The following ROS1 variants were observed in gnomAD, a reference collection of about 807,000 sequenced individuals.
ROS1 encodes the protein ROS proto-oncogene 1, receptor tyrosine kinase, also known as proto-oncogene tyrosine-protein kinase ROS.
A neutral mutation model predicts 273.5 loss-of-function variants in ROS1; 263 were observed. That is an observed-to-expected ratio of 0.96 (90% CI 0.87 to 1.06). ROS1 has a LOEUF of 1.06. Ranked by LOEUF, ROS1 falls within the 50% of genes least tolerant of loss-of-function variation. The pLI is 0.00. For synonymous variants in ROS1, 1,008 were observed against 954.1 expected, an observed-to-expected ratio of 1.06 and a Z score of -1.04; for missense variants, 2,833 against 2,751.1, an observed-to-expected ratio of 1.03 and a Z score of -0.67.
chr6:117,409,055 G>C (rs1774669564), intron 5 of ROS1, among the ~76,000 whole-genome samples: 1 of 135,952 alleles, frequency 7.4e-6, no homozygotes, highest in African/African-American at 2.7e-5. Context: ...TACACACCAG[G>C]GCCTGTTGTG....
At chr6:117,406,820 T>C (rs1414738596) in intron 5 of ROS1, among the ~76,000 whole-genome samples, 5 of 152,236 alleles carry the variant, frequency 3.3e-5, no homozygotes, top group Non-Finnish European at 7.3e-5. Flanking sequence ...ATTTATTTCA[T>C]CTTTAAATAA....
At chr6:117,335,533 T>C (rs1171703710) in intron 32 of ROS1, among the ~76,000 whole-genome samples, 1 of 152,156 alleles carries the variant, frequency 6.6e-6, no homozygotes, top group South Asian at 2.1e-4. Context: ...TAAAGACACA[T>C]GCACATGTAT....
At chr6:117,347,489 G>A (rs1224342727) in intron 27 of ROS1, among the ~76,000 whole-genome samples, 1 of 152,016 alleles carries the variant, frequency 6.6e-6, no homozygotes, top group Non-Finnish European at 1.5e-5. Flanking sequence ...TTTCTACATA[G>A]ATGATCATGT....
intron 18 of ROS1, among the ~76,000 whole-genome samples, chr6:117,370,008 AATGT>A (rs898351452): frequency 2.6e-5 from 4 of 152,186 alleles, no homozygotes; most frequent in African/African-American, 9.7e-5. Context: ...TATGGATATG[AATGT>A]ATGTGGATAT....
chr6:117,342,336 A>G (rs2243385), intron 29 of ROS1, 64 bp downstream of exon 29: 171,365 of 1,403,086 alleles, frequency 0.12, 11,122 homozygotes, highest in Middle Eastern at 0.16. Context: ...AATAAACATC[A>G]ACATACACAG....
chr6:117,357,179 A>C (rs970091817), intron 25 of ROS1, among the ~76,000 whole-genome samples: 2 of 152,212 alleles, frequency 1.3e-5, no homozygotes, highest in African/African-American at 4.8e-5. Flanking sequence ...CTATATTAAA[A>C]GGCCCACTTA....
At chr6:117,300,652 C>T (rs765479692) in intron 43 of ROS1, among the ~76,000 whole-genome samples, 4 of 152,086 alleles carry the variant, frequency 2.6e-5, no homozygotes, top group Non-Finnish European at 5.9e-5. Context: ...TAACTCTGTA[C>T]TTGAGGTCCA....
intron 12 of ROS1, among the ~76,000 whole-genome samples, chr6:117,392,114 C>T (rs1468434401): frequency 3.9e-5 from 6 of 152,186 alleles, no homozygotes; most frequent in Non-Finnish European, 8.8e-5. Context: ...AACAAAGTTA[C>T]ATTTCATAGG....
chr6:117,290,976 T>A (rs914474660), intron 43 of ROS1, among the ~76,000 whole-genome samples: 1 of 152,318 alleles, frequency 6.6e-6, no homozygotes, highest in African/African-American at 2.4e-5. Flanking sequence ...ACATTATTTT[T>A]TATTGAAAAA....
intron 22 of ROS1, 147 bp from the exon 23 acceptor site, chr6:117,360,552 A>T (rs1582734998): frequency 3.9e-6 from 2 of 513,942 alleles, no homozygotes; most frequent in East Asian, 6.5e-5. Flanking sequence ...ATTAATATAC[A>T]GCAATATAAA....
chr6:117,352,673 C>A (rs1778972337), intron 27 of ROS1, among the ~76,000 whole-genome samples: 1 of 152,064 alleles, frequency 6.6e-6, no homozygotes, highest in Non-Finnish European at 1.5e-5. Context: ...CCTAAAATAT[C>A]AGCAAAGGAG....
Position 117,385,859 on chromosome 6 carries a change from T to G in ROS1, c.2113A>C (p.Met705Leu). The G allele has an allele frequency of 6.2e-7, 1 of 1,613,350 alleles. No individual in the cohort carries two copies. The highest frequency in any genetic ancestry group is 8.5e-7 in the Non-Finnish European group (1 of 1,179,446). The change falls in exon 16 of 44, where the codon ATG (methionine) becomes CTG (leucine). Residue 705 changes from methionine to leucine, a missense_variant and splice_region_variant. Met to Leu is a conservative substitution (Grantham distance 15). Coordinates refer to ENST00000368507, the MANE Select transcript of ROS1 (RefSeq NM_001378902.1). ...LSSDIGNVSD[M>L]DWYNNSLYYS... ...TAGAGGCTGTTGTTATACCAATCCA[T>G]GTCTCAAAATAAAGTGAATGATTAG...
chr6:117,375,561 C>T (rs1414682068), intron 18 of ROS1, among the ~76,000 whole-genome samples: 2 of 152,168 alleles, frequency 1.3e-5, no homozygotes, highest in East Asian at 3.9e-4. Flanking sequence ...TGCACATGTA[C>T]CCCTTAAACT....
intron 24 of ROS1, 68 bp from the exon 25 acceptor site, chr6:117,358,077 A>T: frequency 2.0e-6 from 2 of 1,021,396 alleles, no homozygotes; most frequent in South Asian, 1.5e-5. Context: ...ACTTTTCTAT[A>T]TTCACCCATA....
Position 117,341,265 on chromosome 6 carries a change from G to T in ROS1, c.4931C>A (p.Pro1644His). 3 of 1,613,660 alleles carry T rather than the reference G, an allele frequency of 1.9e-6. No individual in the cohort carries two copies. Among genetic ancestry groups the T allele is most frequent in the Non-Finnish European group, 2.5e-6 (3 of 1,179,698 alleles). Reference protein sequence around the residue: ...SEEMWCTESHPVTVEMFNTPE... With the variant: ...SEEMWCTESHHVTVEMFNTPE... ...TGTGTTAAACATTTCCACAGTGACA[G>T]GATGACTCTCTGTACACCACATTTC... The change falls in exon 31 of 44, where the codon CCT becomes CAT. Residue 1644 changes from proline to histidine, a missense_variant. Pro to His is a moderately conservative substitution (Grantham distance 77, BLOSUM62 -2). Transcript: ENST00000368507.
Position 117,294,550 on chromosome 6 carries a change from T to C in ROS1, c.6716-5748A>G, listed in dbSNP as rs191736165. Among the ~76,000 whole-genome samples the C allele has an allele frequency of 2.1e-4, 32 of 152,310 alleles. 1 individual carries two copies. The highest frequency in any genetic ancestry group is 3.4e-3 in the Middle Eastern group (1 of 294). On this transcript the variant is annotated intron_variant, in intron 43 of 43. Transcript: ENST00000368507. ...TTGAGAACTTTTGCATCTGTGTTCA[T>C]CAGGGATATTAGCGTGCTCTTATCA...
chr6:117,287,910 T>C lies in ROS1; in HGVS notation c.*582A>G, dbSNP rs1773548501. ...TCCAGCCTGGGCAACAGAGCAAGACTTCGTCTCAAAAAAAAAAAAAAAAAA... is the reference window on the plus strand; with the variant it reads ...TCCAGCCTGGGCAACAGAGCAAGACCTCGTCTCAAAAAAAAAAAAAAAAAA... On this transcript the variant is annotated 3_prime_UTR_variant, in exon 44 of 44. Transcript: ENST00000368507. 8.2e-6 allele frequency among the ~76,000 whole-genome samples: 1 copy of C among 122,524 alleles called. No individual in the cohort carries two copies. The allele number at this position is 122,524 out of a possible 152,430, so 80.4% of individuals were successfully genotyped here. A position where few individuals can be genotyped will look rare whatever the true frequency, so the allele number is the denominator to read the frequency against.
Position 117,382,050 on chromosome 6 carries a change from G to A in ROS1, c.2481+1267C>T, listed in dbSNP as rs74655891. On this transcript the variant is annotated intron_variant, in intron 17 of 43. Coordinates refer to ENST00000368507, the MANE Select transcript of ROS1 (RefSeq NM_001378902.1). Reference sequence around the variant, plus strand: ...TGGGAAGATTACTGACAAAGTCCCTGAGGTGGAGAAGAAGTTACTCTTGAG... The same window carrying A: ...TGGGAAGATTACTGACAAAGTCCCTAAGGTGGAGAAGAAGTTACTCTTGAG... 3.9e-3 allele frequency among the ~76,000 whole-genome samples: 596 copies of A among 152,254 alleles called. 3 individuals are homozygous for A. The highest frequency in any genetic ancestry group is 0.014 in the African/African-American group (573 of 41,560).
chr6:117,398,410 G>T (rs1326148342), intron 7 of ROS1, among the ~76,000 whole-genome samples: 2 of 152,120 alleles, frequency 1.3e-5, no homozygotes, highest in Non-Finnish European at 2.9e-5. Context: ...GGGTGCAGTG[G>T]TTTACACCTG....
Sources: gnomAD v4.1 joint callset for allele counts (sites outside exome capture counted in the v4.1 genomes callset) on GRCh38, gnomAD v4.1.1 for gene constraint, MANE v1.5 for transcripts, NCBI Gene and HGNC (gene_info 2026-07-23, HGNC 2026-07-21) for gene names.